ACOXL: variants seen among roughly 807,000 people sequenced by gnomAD.
The protein encoded by ACOXL is acyl-coenzyme A oxidase-like protein.
A neutral mutation model predicts 71.9 loss-of-function variants in ACOXL; 70 were observed. That is an observed-to-expected ratio of 0.97 (90% CI 0.80 to 1.19). ACOXL has a LOEUF of 1.19. Among genes scored for constraint, ACOXL ranks in the 50% most tolerant of loss-of-function variants. The pLI, the probability that ACOXL is intolerant of heterozygous loss-of-function variation, is 0.00. For synonymous variants in ACOXL, 253 were observed against 281.6 expected (o/e 0.90, Z 1.02); for missense variants, 703 against 736.3 (o/e 0.95, Z 0.52).
chr2:110,844,526 T>G (rs1691551405), intron 10 of ACOXL, among the ~76,000 whole-genome samples: 1 of 150,856 alleles, frequency 6.6e-6, no homozygotes, highest in African/African-American at 2.4e-5. Context: ...ACCCTTTGAC[T>G]CTTCTTTTTT....
intron 17 of ACOXL, among the ~76,000 whole-genome samples, chr2:111,108,426 T>C (rs1558977071): frequency 7.6e-6 from 1 of 131,436 alleles, no homozygotes; most frequent in African/African-American, 2.9e-5. Context: ...CTGCCGAGGC[T>C]GGAGTGCAAT....
chr2:110,759,163 T>A (rs1680062094), intron 1 of ACOXL, among the ~76,000 whole-genome samples: 1 of 152,154 alleles, frequency 6.6e-6, no homozygotes, highest in African/African-American at 2.4e-5. Context: ...TGTTTTTGGG[T>A]GGAGAGTTCT....
At chr2:110,999,607 C>T (rs1247850887) in intron 14 of ACOXL, among the ~76,000 whole-genome samples, 3 of 152,136 alleles carry the variant, frequency 2.0e-5, no homozygotes, top group Admixed American at 1.3e-4. Context: ...GTGTGACATA[C>T]AGCAGAAATA....
chr2:110,918,047 GA>G (rs1422443805), intron 11 of ACOXL, among the ~76,000 whole-genome samples: 1 of 152,026 alleles, frequency 6.6e-6, no homozygotes, highest in Non-Finnish European at 1.5e-5. Context: ...CACAGAATTA[GA>G]AAAAAACTAC....
chr2:111,009,513 CAA>C (rs35134750), intron 14 of ACOXL, among the ~76,000 whole-genome samples: 48,367 of 114,782 alleles, frequency 0.42, 8,597 homozygotes, highest in African/African-American at 0.52. Context: ...GACTCCGTCT[CAA>C]AAAAAAAAAA....
rs1459863447 is a variant in ACOXL, at chr2:110,750,077, G to A, written c.-23+17303G>A. Reference sequence around the variant, plus strand: ...ATCGACATGGCTTATCCCTGGTGATGTTTGTAGTGCTTGTCAGGTTTCTCC... The same window carrying A: ...ATCGACATGGCTTATCCCTGGTGATATTTGTAGTGCTTGTCAGGTTTCTCC... On this transcript the variant is annotated intron_variant, in intron 1 of 17. Coordinates refer to ENST00000439055, the MANE Select transcript of ACOXL (RefSeq NM_001142807.4). Among the ~76,000 whole-genome samples, 3 of 152,184 alleles carry A rather than the reference G, an allele frequency of 2.0e-5. No homozygotes were observed. The East Asian group carries it at 5.8e-4, about 29-fold the overall frequency.
intron 11 of ACOXL, among the ~76,000 whole-genome samples, chr2:110,917,353 C>A (rs2059901694): frequency 6.6e-6 from 1 of 152,122 alleles, no homozygotes; most frequent in Non-Finnish European, 1.5e-5. Context: ...AAATTCAACA[C>A]CCCTACATGC....
chr2:110,979,390 G>C (rs1364457514), intron 12 of ACOXL, among the ~76,000 whole-genome samples: 1 of 152,192 alleles, frequency 6.6e-6, no homozygotes, highest in African/African-American at 2.4e-5. Flanking sequence ...TTCTGGGGAA[G>C]ACAGCACGAG....
intron 15 of ACOXL, among the ~76,000 whole-genome samples, chr2:111,038,642 G>A (rs548689834): frequency 6.6e-6 from 1 of 152,324 alleles, no homozygotes; most frequent in East Asian, 1.9e-4. Flanking sequence ...CTGGGAACAG[G>A]ATGGAGAATA....
chr2:110,994,948 T>C (rs1490280899), intron 13 of ACOXL, among the ~76,000 whole-genome samples: 3 of 152,168 alleles, frequency 2.0e-5, no homozygotes, highest in African/African-American at 7.2e-5. Context: ...CTCAGTTTCC[T>C]AAACTCTACA....
intron 12 of ACOXL, among the ~76,000 whole-genome samples, chr2:110,963,975 T>C (rs1404261389): frequency 4.6e-5 from 7 of 152,034 alleles, no homozygotes; most frequent in Non-Finnish European, 8.8e-5. Context: ...TTTGAAAGAG[T>C]ATGTAAGGCC....
intron 15 of ACOXL, among the ~76,000 whole-genome samples, chr2:111,048,116 A>C (rs971407373): frequency 4.6e-5 from 7 of 152,262 alleles, no homozygotes; most frequent in African/African-American, 1.7e-4. Context: ...AATCATTGGA[A>C]TCAGACTGTC....
At position 110,778,173 on chromosome 2, in the gene ACOXL, A is replaced by G. The variant is rs113747712; in HGVS notation, c.76-6559A>G. Among the ~76,000 whole-genome samples, 259 of 152,292 alleles carry G rather than the reference A, an allele frequency of 1.7e-3. 1 individual carries two copies. The highest frequency in any genetic ancestry group is 6.0e-3 in the African/African-American group (251 of 41,566). ...CACGGGGGCCAACTTGGCTCTTACTAGTTTTCCAAGTCTGCTTTTCTACCT... is the reference window on the plus strand; with the variant it reads ...CACGGGGGCCAACTTGGCTCTTACTGGTTTTCCAAGTCTGCTTTTCTACCT... On this transcript the variant is annotated intron_variant, in intron 2 of 17. Coordinates refer to ENST00000439055, the MANE Select transcript of ACOXL (RefSeq NM_001142807.4).
At chr2:111,117,093 C>A (rs1390502346) in intron 17 of ACOXL, among the ~76,000 whole-genome samples, 1 of 152,234 alleles carries the variant, frequency 6.6e-6, no homozygotes, top group African/African-American at 2.4e-5. Context: ...TACTGCCAGC[C>A]AGGTCAGGAC....
chr2:110,743,706 C>A (rs1041666036), intron 1 of ACOXL, among the ~76,000 whole-genome samples: 21 of 152,208 alleles, frequency 1.4e-4, no homozygotes, highest in African/African-American at 5.1e-4. Context: ...TCCATAATTT[C>A]TGTGTCTCCG....
In ACOXL at chr2:110,973,331, T is replaced by C. The variant is rs192690532; in HGVS notation, c.1060-13777T>C. Among the ~76,000 whole-genome samples, 107 of 152,330 alleles carry C rather than the reference T, an allele frequency of 7.0e-4. 1 individual carries two copies. The highest frequency in any genetic ancestry group is 4.2e-3 in the Admixed American group (65 of 15,300). ...CAGCCTGAATGTTTATGTCTTTCCA[T>C]GATTAATGTGTCAAAACCTACCAAG... On this transcript the variant is annotated intron_variant, in intron 12 of 17. Coordinates refer to ENST00000439055, the MANE Select transcript of ACOXL (RefSeq NM_001142807.4).
intron 7 of ACOXL, among the ~76,000 whole-genome samples, chr2:110,799,483 G>C (rs1007610325): frequency 6.6e-6 from 1 of 152,130 alleles, no homozygotes; most frequent in African/African-American, 2.4e-5. Context: ...CCCTTAATGA[G>C]TCCTGAGGAC....
At position 110,933,473 on chromosome 2, in the gene ACOXL, C is replaced by T. The variant is rs749375210; in HGVS notation, c.906-16C>T. 1 of 1,610,256 alleles carries T rather than the reference C, an allele frequency of 6.2e-7. No homozygotes were observed. The highest frequency in any genetic ancestry group is 1.1e-5 in the South Asian group (1 of 90,588). On this transcript the variant is annotated splice_polypyrimidine_tract_variant and intron_variant, in intron 11 of 17. Transcript: ENST00000439055. ...GCACCGCCACTTCCATCACACATGTCTGCTTTGTCCTGCAGGTATGCTGGG... is the reference window on the plus strand; with the variant it reads ...GCACCGCCACTTCCATCACACATGTTTGCTTTGTCCTGCAGGTATGCTGGG...
intron 12 of ACOXL, among the ~76,000 whole-genome samples, chr2:110,958,822 G>C (rs1220445168): frequency 6.6e-6 from 1 of 152,212 alleles, no homozygotes; most frequent in Non-Finnish European, 1.5e-5. Context: ...CTTCCTCCTA[G>C]GCATAGGCAG....
Sources: gnomAD v4.1 joint callset for allele counts (sites outside exome capture counted in the v4.1 genomes callset) on GRCh38, gnomAD v4.1.1 for gene constraint, MANE v1.5 for transcripts, NCBI Gene and HGNC (gene_info 2026-07-23, HGNC 2026-07-21) for gene names.